SH2D1A: variants seen among roughly 807,000 people sequenced by gnomAD.
SH2D1A encodes SH2 domain-containing protein 1A.
A neutral mutation model predicts 10.1 loss-of-function variants in SH2D1A; 6 were observed. That is an observed-to-expected ratio of 0.60 (90% CI 0.33 to 1.18). SH2D1A has a LOEUF of 1.18. Among genes scored for constraint, SH2D1A ranks in the 50% most tolerant of loss-of-function variants. The probability of loss-of-function intolerance (pLI) is 0.04; values close to 1 mark genes in which losing one functional copy is unlikely to be tolerated. For synonymous variants in SH2D1A, 42 were observed against 36.9 expected (o/e 1.14, Z -0.51); for missense variants, 51 against 97.6 (o/e 0.52, Z 2.01).
At chrX:124,350,207 A>AATATAT in intron 1 of SH2D1A, among the ~76,000 whole-genome samples, 1 of 58,145 alleles carries the variant, frequency 1.7e-5, no homozygotes, top group South Asian at 7.5e-4. Flanking sequence ...ATATAATATA[A>AATATAT]AATATATAAT....
At chrX:124,353,786 C>A (rs1242992980) in intron 1 of SH2D1A, among the ~76,000 whole-genome samples, 1 of 112,362 alleles carries the variant, frequency 8.9e-6, no homozygotes. Context: ...AATTCTTTAG[C>A]TTCAAGGACA....
chrX:124,367,615 G>A (rs2060059071), intron 2 of SH2D1A: 1 of 112,055 alleles, frequency 8.9e-6, no homozygotes, highest in African/African-American at 3.2e-5. Context: ...GAAAAATCAA[G>A]GCAGTAGCAT....
At chrX:124,361,345 C>T (rs1305560259) in intron 1 of SH2D1A, among the ~76,000 whole-genome samples, 1 of 111,849 alleles carries the variant, frequency 8.9e-6, no homozygotes, top group Admixed American at 9.5e-5. Flanking sequence ...CTTGGACTTC[C>T]CAGTCTCCAG....
chrX:124,356,904 T>A (rs1411210368), intron 1 of SH2D1A, among the ~76,000 whole-genome samples: 1 of 112,598 alleles, frequency 8.9e-6, no homozygotes, highest in Non-Finnish European at 1.9e-5. Context: ...TATGACATGA[T>A]GCTTTGAAAT....
chrX:124,363,890 C>CAAAAAAA (rs1211666787), intron 1 of SH2D1A, among the ~76,000 whole-genome samples: 8 of 33,272 alleles, frequency 2.4e-4, no homozygotes, highest in East Asian at 1.3e-3. Context: ...GACTCTATCT[C>CAAAAAAA]AAAAAAAAAA....
At position 124,346,633 on chromosome X, in the gene SH2D1A, C is replaced by T. The variant is rs1603236465; in HGVS notation, c.-10C>T. 1 of 1,211,367 alleles carries T rather than the reference C, an allele frequency of 8.3e-7. No homozygotes were observed. The highest frequency in any genetic ancestry group is 1.1e-6 in the Non-Finnish European group (1 of 894,945). On this transcript the variant is annotated 5_prime_UTR_variant, in exon 1 of 4. Transcript: ENST00000371139. ...TCTCCTCCTCGGCCTGCCCAAGAGT[C>T]CACCAGGCCATGGACGCAGTGGCTG...
chrX:124,358,698 A>T (rs757163509), intron 1 of SH2D1A, among the ~76,000 whole-genome samples: 1 of 112,358 alleles, frequency 8.9e-6, no homozygotes, highest in South Asian at 3.8e-4. Context: ...AGGTGGAAGA[A>T]GCCAGGTTGA....
In SH2D1A at chrX:124,371,508, C is replaced by T; in HGVS notation, c.*117C>T. 1 of 454,634 alleles carries T rather than the reference C, an allele frequency of 2.2e-6. No individual in the cohort carries two copies. Among genetic ancestry groups the T allele is most frequent in the Non-Finnish European group, 3.6e-6 (1 of 275,289 alleles). 37.5% of individuals were successfully genotyped at this position (454,634 alleles called of 1,213,427 possible). Reference sequence around the variant, plus strand: ...AATGCATTTCTAAAGCCATTGTAGTCCTGTAATGGAAGCATCTAGCATGTC... The same window carrying T: ...AATGCATTTCTAAAGCCATTGTAGTTCTGTAATGGAAGCATCTAGCATGTC... On this transcript the variant is annotated 3_prime_UTR_variant, in exon 4 of 4. Coordinates refer to ENST00000371139, the MANE Select transcript of SH2D1A (RefSeq NM_002351.5).
In SH2D1A at chrX:124,347,209, A is replaced by G. The variant is rs369795054; in HGVS notation, c.137+430A>G. ...ATCCCAAAGGAAGAGCATGACATTC[A>G]GAGAGAGGAGGCACATTAAGAAACA... is the stretch of plus-strand genomic sequence containing the variant. On this transcript the variant is annotated intron_variant, in intron 1 of 3. Transcript: ENST00000371139. Among the ~76,000 whole-genome samples, 48 of 111,684 alleles carry G rather than the reference A, an allele frequency of 4.3e-4. No homozygotes were observed. The South Asian group carries it at 0.018, about 42-fold the overall frequency.
chrX:124,356,486 C>A (rs1054056841), intron 1 of SH2D1A, among the ~76,000 whole-genome samples: 1 of 112,371 alleles, frequency 8.9e-6, no homozygotes, highest in African/African-American at 3.2e-5. Flanking sequence ...CTCTCTCTGT[C>A]GCCCAGCCTG....
chrX:124,352,941 G>C (rs1166651080), intron 1 of SH2D1A, among the ~76,000 whole-genome samples: 1 of 111,354 alleles, frequency 9.0e-6, no homozygotes, highest in Non-Finnish European at 1.9e-5. Context: ...ACAGTACGGT[G>C]ACTATAGTTA....
At chrX:124,354,658 C>T (rs753208453) in intron 1 of SH2D1A, among the ~76,000 whole-genome samples, 2 of 111,467 alleles carry the variant, frequency 1.8e-5, no homozygotes, top group East Asian at 5.6e-4. Flanking sequence ...GAGTACTTAC[C>T]TCACAGGGTT....
At chrX:124,369,118 G>A (rs771530966) in intron 2 of SH2D1A, among the ~76,000 whole-genome samples, 2 of 111,064 alleles carry the variant, frequency 1.8e-5, no homozygotes, top group Non-Finnish European at 3.8e-5. Flanking sequence ...GCTATCTTCA[G>A]CATACCACTA....
intron 1 of SH2D1A, among the ~76,000 whole-genome samples, chrX:124,365,179 T>C (rs2060051017): frequency 9.0e-6 from 1 of 110,746 alleles, no homozygotes; most frequent in Non-Finnish European, 1.9e-5. Flanking sequence ...TCTCATAATG[T>C]ATCCCCCTTG....
rs2059993558 is a variant in SH2D1A at position 124,346,699 on chromosome X, C to T, written c.57C>T (p.Leu19=). 2 of 1,210,204 alleles carry T rather than the reference C, an allele frequency of 1.7e-6. No homozygotes were observed. The highest frequency in any genetic ancestry group is 4.4e-5 in the Admixed American group (2 of 45,886). ...GKISRETGEK[L]LLATGLDGSY... is the part of the protein sequence containing the mutation. Reference sequence around the variant, plus strand: ...TCAGCAGGGAAACCGGCGAGAAGCTCCTGCTTGCCACTGGGCTGGATGGCA... The same window carrying T: ...TCAGCAGGGAAACCGGCGAGAAGCTTCTGCTTGCCACTGGGCTGGATGGCA... Residue 19 remains leucine (L), a synonymous_variant, in exon 1 of 4, where the codon CTC becomes CTT. Transcript: ENST00000371139.
chrX:124,362,697 G>T (rs1293564148), intron 1 of SH2D1A, among the ~76,000 whole-genome samples: 1 of 111,649 alleles, frequency 9.0e-6, no homozygotes, highest in African/African-American at 3.3e-5. Context: ...CGTTGGGATG[G>T]TATAAGTGTG....
At chrX:124,364,545 C>T (rs2060049173) in intron 1 of SH2D1A, 1 of 189,621 alleles carries the variant, frequency 5.3e-6, no homozygotes, top group Non-Finnish European at 9.9e-6. Flanking sequence ...CGCTCCGTCA[C>T]CCAGGCTGGA....
intron 1 of SH2D1A, among the ~76,000 whole-genome samples, chrX:124,355,857 G>T (rs1443948730): frequency 9.0e-6 from 1 of 111,168 alleles, no homozygotes; most frequent in Non-Finnish European, 1.9e-5. Flanking sequence ...ATCCCCTTGT[G>T]CCCACTTTTT....
At chrX:124,363,720 T>G (rs2060045751) in intron 1 of SH2D1A, among the ~76,000 whole-genome samples, 1 of 108,651 alleles carries the variant, frequency 9.2e-6, no homozygotes, top group Admixed American at 9.9e-5. Context: ...ATGGTGAAAT[T>G]CTGTCTCTAC....
Sources: gnomAD v4.1 joint callset for allele counts (sites outside exome capture counted in the v4.1 genomes callset) on GRCh38, gnomAD v4.1.1 for gene constraint, MANE v1.5 for transcripts, NCBI Gene and HGNC (gene_info 2026-07-23, HGNC 2026-07-21) for gene names.